Variants in PCDHA9 observed in about 807,000 individuals in gnomAD.
PCDHA9 encodes protocadherin alpha-9.
A neutral mutation model predicts 62.0 loss-of-function variants in PCDHA9; 62 were observed. The ratio of observed to expected loss-of-function variants is 1.00; its 90% confidence interval spans 0.81 to 1.23. The LOEUF is 1.23. PCDHA9 is among the 50% of genes most tolerant of loss of function. The probability of loss-of-function intolerance (pLI) is 0.00; values close to 1 mark genes in which losing one functional copy is unlikely to be tolerated. For missense variants in PCDHA9, 1,205 were observed against 1,249.8 expected (o/e 0.96, Z 0.54); for synonymous variants, 557 against 567.6 (o/e 0.98, Z 0.27).
At chr5:140,969,553 G>T in intron 1 of PCDHA9, 1 of 1,229,652 alleles carries the variant, frequency 8.1e-7, no homozygotes, top group Non-Finnish European at 1.1e-6. Flanking sequence ...ATGAAGCCTT[G>T]TCCATAAAAT....
chr5:140,877,371 G>C, intron 1 of PCDHA9: 2 of 1,613,994 alleles, frequency 1.2e-6, no homozygotes, highest in Non-Finnish European at 8.5e-7. Context: ...AGATCAGCAC[G>C]ACACGCATCC....
At chr5:140,893,880 G>T (rs1426434148) in intron 1 of PCDHA9, among the ~76,000 whole-genome samples, 1 of 152,090 alleles carries the variant, frequency 6.6e-6, no homozygotes, top group African/African-American at 2.4e-5. Flanking sequence ...ATCCAAAGTG[G>T]CCAGAAAGTT....
At chr5:140,922,385 C>A (rs1267053151) in intron 1 of PCDHA9, among the ~76,000 whole-genome samples, 5 of 152,156 alleles carry the variant, frequency 3.3e-5, no homozygotes, top group Non-Finnish European at 7.4e-5. Context: ...AAACCAAAGA[C>A]TCCTTGTTTT....
chr5:140,990,990 A>G (rs1269528161), intron 3 of PCDHA9, among the ~76,000 whole-genome samples: 1 of 152,210 alleles, frequency 6.6e-6, no homozygotes, highest in East Asian at 1.9e-4. Flanking sequence ...GACAATAGCT[A>G]CCATTTATTG....
rs782547925 is a variant in PCDHA9, at chr5:140,967,973, G to A, written c.2395-10976G>A. 4 of 1,614,170 alleles carry A rather than the reference G, an allele frequency of 2.5e-6. No individual in the cohort carries two copies. In the African/African-American group the frequency reaches 4.0e-5, roughly 16 times the overall value. On this transcript the variant is annotated intron_variant, in intron 1 of 3. Coordinates refer to ENST00000532602, the MANE Select transcript of PCDHA9 (RefSeq NM_031857.2). ...AGGCCCCAACCGGAAAGTGAGCCTG[G>A]GTCTGGAGGCCACACTGCCTTTCCG... is the stretch of plus-strand genomic sequence containing the variant.
At chr5:140,960,764 A>C (rs1383623742) in intron 1 of PCDHA9, among the ~76,000 whole-genome samples, 7 of 152,164 alleles carry the variant, frequency 4.6e-5, no homozygotes, top group African/African-American at 1.7e-4. Flanking sequence ...CAAGAGTTAC[A>C]GAGGAGAAAT....
chr5:140,924,909 AATAAAAT>A (rs1563069072), intron 1 of PCDHA9, among the ~76,000 whole-genome samples: 5 of 66,374 alleles, frequency 7.5e-5, no homozygotes, highest in African/African-American at 2.5e-4. Context: ...AAAAAAATAA[AATAAAAT>A]AAAATAAAAT....
intron 1 of PCDHA9, chr5:140,876,999 G>C: frequency 6.2e-7 from 1 of 1,612,546 alleles, no homozygotes; most frequent in Non-Finnish European, 8.5e-7. Flanking sequence ...GCTACGTGTC[G>C]GTGCACGCGG....
At chr5:140,894,405 C>T (rs1277416530) in intron 1 of PCDHA9, among the ~76,000 whole-genome samples, 4 of 151,926 alleles carry the variant, frequency 2.6e-5, no homozygotes, top group African/African-American at 9.7e-5. Flanking sequence ...CTTTGCTTTT[C>T]TTTTGTAGCT....
At chr5:140,873,113 C>T (rs2054104761) in intron 1 of PCDHA9, among the ~76,000 whole-genome samples, 1 of 152,114 alleles carries the variant, frequency 6.6e-6, no homozygotes, top group Admixed American at 6.5e-5. Flanking sequence ...TACCATTTGG[C>T]ACAATATTCA....
intron 1 of PCDHA9, chr5:140,854,328 A>C (rs1562493993): frequency 4.6e-6 from 1 of 216,912 alleles, no homozygotes; most frequent in Non-Finnish European, 7.8e-6. Context: ...TGGCAAACTT[A>C]TTTTACGCTC....
At chr5:140,858,581 T>C in intron 1 of PCDHA9, 1 of 1,350,098 alleles carries the variant, frequency 7.4e-7, no homozygotes, top group South Asian at 1.4e-5. Context: ...CTTTGTAATA[T>C]AATTTATTCC....
chr5:140,925,106 G>GAA (rs1554202543), intron 1 of PCDHA9, among the ~76,000 whole-genome samples: 1 of 151,098 alleles, frequency 6.6e-6, no homozygotes, highest in African/African-American at 2.4e-5. Flanking sequence ...AGGAAGGAAG[G>GAA]AGGGAAGGAA....
At chr5:140,882,667 C>A in intron 1 of PCDHA9, 1 of 1,614,160 alleles carries the variant, frequency 6.2e-7, no homozygotes, top group Middle Eastern at 1.6e-4. Flanking sequence ...CGCCCATATT[C>A]CCTGAAAGCA....
At chr5:140,979,894 C>G (rs1183667310) in intron 2 of PCDHA9, among the ~76,000 whole-genome samples, 2 of 152,206 alleles carry the variant, frequency 1.3e-5, no homozygotes, top group African/African-American at 4.8e-5. Context: ...ATTCACCAAA[C>G]TTAGATCAGT....
chr5:140,863,405 C>A (rs1554158176), intron 1 of PCDHA9: 1 of 799,642 alleles, frequency 1.3e-6, no homozygotes, highest in East Asian at 4.2e-5. Flanking sequence ...GGCAAGCCCA[C>A]GCTGGTGTAC....
At chr5:140,891,136 G>A (rs541876133) in intron 1 of PCDHA9, among the ~76,000 whole-genome samples, 1 of 152,068 alleles carries the variant, frequency 6.6e-6, no homozygotes, top group Non-Finnish European at 1.5e-5. Context: ...TTCCTTTAAA[G>A]GTATTCTGTT....
rs782344407 is a variant in PCDHA9 at position 140,928,808 on chromosome 5, G to T, written c.2395-50141G>T. 3.7e-6 allele frequency: 6 copies of T among 1,614,062 alleles called. No homozygotes were observed. In the Admixed American group the frequency reaches 1.0e-4, roughly 27 times the overall value. The stretch of plus-strand genomic sequence containing the variant: ...AAGCAGAGGGTGGTGGTAGTGGTTC[G>T]GGACCATGGAGACCCACCACTTTCC... On this transcript the variant is annotated intron_variant, in intron 1 of 3. Coordinates refer to ENST00000532602, the MANE Select transcript of PCDHA9 (RefSeq NM_031857.2).
chr5:140,993,462 TCACA>T (rs3836747), intron 3 of PCDHA9, among the ~76,000 whole-genome samples: 18,508 of 140,892 alleles, frequency 0.13, 1,341 homozygotes, highest in African/African-American at 0.21. Flanking sequence ...TCTTTCTTTC[TCACA>T]CACACACACA....
Sources: gnomAD v4.1 joint callset for allele counts (sites outside exome capture counted in the v4.1 genomes callset) on GRCh38, gnomAD v4.1.1 for gene constraint, MANE v1.5 for transcripts, NCBI Gene and HGNC (gene_info 2026-07-23, HGNC 2026-07-21) for gene names.